Variants in BEAN1 observed in about 807,000 individuals in gnomAD.
BEAN1 encodes the protein brain expressed associated with NEDD4 1, also known as protein BEAN1.
Under a neutral mutation model 17.7 loss-of-function variants are expected in BEAN1, and 17 were observed. That is an observed-to-expected ratio of 0.96 (90% CI 0.66 to 1.44). BEAN1 has a LOEUF of 1.44. Ranked by LOEUF, BEAN1 falls within the 40% of genes most tolerant of loss-of-function variation. The probability of loss-of-function intolerance (pLI) is 0.00; values close to 1 mark genes in which losing one functional copy is unlikely to be tolerated. For synonymous variants in BEAN1, 142 were observed against 151.8 expected (o/e 0.94, Z 0.47); for missense variants, 359 against 374.1 (o/e 0.96, Z 0.33).
chr16:66,469,927 G>A (rs1963412482), intron 3 of BEAN1, 62 bp downstream of exon 3: 1 of 1,501,908 alleles, frequency 6.7e-7, no homozygotes, highest in Non-Finnish European at 8.9e-7. Context: ...AACACAGGAG[G>A]CATCAAGGAG....
At chr16:66,465,643 T>A (rs968434013) in intron 2 of BEAN1, among the ~76,000 whole-genome samples, 1 of 152,208 alleles carries the variant, frequency 6.6e-6, no homozygotes, top group African/African-American at 2.4e-5. Context: ...AAATCCTATA[T>A]GCATTAAAGT....
At chr16:66,464,742 T>C (rs1963204780) in intron 2 of BEAN1, among the ~76,000 whole-genome samples, 1 of 152,256 alleles carries the variant, frequency 6.6e-6, no homozygotes, top group Non-Finnish European at 1.5e-5. Context: ...TTGATTTTTA[T>C]CTATCAGTCT....
intron 2 of BEAN1, among the ~76,000 whole-genome samples, chr16:66,464,765 C>T (rs1207791569): frequency 6.6e-6 from 1 of 152,140 alleles, no homozygotes; most frequent in Non-Finnish European, 1.5e-5. Flanking sequence ...TATCTTGCAA[C>T]CTTGCTGAAT....
At chr16:66,436,466 G>A (rs1022986233) in intron 1 of BEAN1, among the ~76,000 whole-genome samples, 56 of 148,914 alleles carry the variant, frequency 3.8e-4, no homozygotes, top group African/African-American at 1.3e-3. Flanking sequence ...TTTTAGTAGA[G>A]ACGGGGTTTC....
At chr16:66,466,316 C>G (rs952698325) in intron 2 of BEAN1, among the ~76,000 whole-genome samples, 3 of 152,122 alleles carry the variant, frequency 2.0e-5, no homozygotes, top group Non-Finnish European at 2.9e-5. Flanking sequence ...CAACAAAAAA[C>G]ACACTTCTGG....
downstream of BEAN1, among the ~76,000 whole-genome samples, chr16:66,495,113 AG>A (rs953300921): frequency 6.6e-6 from 1 of 152,112 alleles, no homozygotes; most frequent in East Asian, 1.9e-4. Context: ...CTTAAGACCA[AG>A]GGGGGGCCTC....
At chr16:66,446,254 T>G (rs1962451889) in intron 2 of BEAN1, among the ~76,000 whole-genome samples, 1 of 151,672 alleles carries the variant, frequency 6.6e-6, no homozygotes, top group South Asian at 2.1e-4. Context: ...GACCAGGAGG[T>G]TCATAGTGGA....
rs1964026081 is a variant in BEAN1, at chr16:66,482,794, A to G, written c.*1869A>G. 1 of 444,248 alleles carries G rather than the reference A, an allele frequency of 2.3e-6. No homozygotes were observed. Among genetic ancestry groups the G allele is most frequent in the South Asian group, 1.6e-5 (1 of 61,526 alleles). 27.5% of individuals were successfully genotyped at this position (444,248 alleles called of 1,614,324 possible). ...TATCTTTTCTGTGTTCAAAATAAATACATAATATCAATAAAATGTAGCAAG... is the reference window on the plus strand; with the variant it reads ...TATCTTTTCTGTGTTCAAAATAAATGCATAATATCAATAAAATGTAGCAAG... On this transcript the variant is annotated 3_prime_UTR_variant, in exon 5 of 5. Coordinates refer to ENST00000536005, the MANE Select transcript of BEAN1 (RefSeq NM_001178020.3).
At chr16:66,449,206 G>C (rs1442322167) in intron 2 of BEAN1, among the ~76,000 whole-genome samples, 1 of 151,994 alleles carries the variant, frequency 6.6e-6, no homozygotes, top group Non-Finnish European at 1.5e-5. Context: ...TCAGTATTAT[G>C]TTGTGAGATT....
intron 3 of BEAN1, among the ~76,000 whole-genome samples, chr16:66,476,937 T>C (rs1963772123): frequency 6.6e-6 from 1 of 151,998 alleles, no homozygotes; most frequent in East Asian, 1.9e-4. Flanking sequence ...AGAAGCCCCT[T>C]TTTTTCCCCA....
chr16:66,455,133 G>A (rs1315144831), intron 2 of BEAN1, among the ~76,000 whole-genome samples: 2 of 152,116 alleles, frequency 1.3e-5, no homozygotes, highest in Admixed American at 6.6e-5. Flanking sequence ...ACTCTGAGTG[G>A]TCATTACTCT....
chr16:66,436,747 T>G (rs1962039881), intron 1 of BEAN1, among the ~76,000 whole-genome samples: 2 of 152,068 alleles, frequency 1.3e-5, no homozygotes, highest in African/African-American at 4.8e-5. Context: ...AGCCATGAGT[T>G]ACCTTTTTAA....
In BEAN1 at chr16:66,481,432, G is replaced by C. The variant is rs539157764; in HGVS notation, c.*507G>C. On this transcript the variant is annotated 3_prime_UTR_variant, in exon 5 of 5. Coordinates refer to ENST00000536005, the MANE Select transcript of BEAN1 (RefSeq NM_001178020.3). The surrounding 1 kb of genome is among the most constrained non-coding windows in gnomAD (Gnocchi z 4.1). ...GGCCAGCTTGTCCTCCTGGGAGGCG[G>C]GACAGGCCCCAGTGAGGTTCCGTTG... 1.2e-3 allele frequency: 455 copies of C among 395,484 alleles called. No homozygotes were observed. Among genetic ancestry groups the C allele is most frequent in the Middle Eastern group, 1.9e-3 (3 of 1,578 alleles). 24.5% of individuals were successfully genotyped at this position (395,484 alleles called of 1,614,324 possible).
chr16:66,462,678 A>G (rs1166487546), intron 2 of BEAN1, among the ~76,000 whole-genome samples: 1 of 152,112 alleles, frequency 6.6e-6, no homozygotes, highest in East Asian at 1.9e-4. Context: ...GTACATGCCT[A>G]TAATCCCAGC....
At chr16:66,461,058 G>A (rs1963063917) in intron 2 of BEAN1, among the ~76,000 whole-genome samples, 1 of 152,038 alleles carries the variant, frequency 6.6e-6, no homozygotes, top group Non-Finnish European at 1.5e-5. Flanking sequence ...TCAGAGAAGA[G>A]CCTATTTTTT....
In BEAN1 at chr16:66,481,043, C is replaced by A; in HGVS notation, c.*118C>A. The A allele has an allele frequency of 1.3e-6, 1 of 798,792 alleles. No homozygotes were observed. The highest frequency in any genetic ancestry group is 1.8e-6 in the Non-Finnish European group (1 of 551,518). The allele number at this position is 798,792 out of a possible 1,614,324, so 49.5% of individuals were successfully genotyped here. A position where few individuals can be genotyped will look rare whatever the true frequency, so the allele number is the denominator to read the frequency against. ...CGTGACTCATAACACACACATAGACCAAACTTGTATACACACAGACATCTA... is the reference window on the plus strand; with the variant it reads ...CGTGACTCATAACACACACATAGACAAAACTTGTATACACACAGACATCTA... On this transcript the variant is annotated 3_prime_UTR_variant, in exon 5 of 5. Transcript: ENST00000536005. The surrounding 1 kb of genome is among the most constrained non-coding windows in gnomAD (Gnocchi z 4.1).
At chr16:66,432,593 G>C (rs1408609661) in intron 1 of BEAN1, among the ~76,000 whole-genome samples, 1 of 152,240 alleles carries the variant, frequency 6.6e-6, no homozygotes, top group Non-Finnish European at 1.5e-5. Flanking sequence ...CTATGTGCCA[G>C]GCACCATGCT....
At chr16:66,439,973 C>G (rs1962186081) in intron 2 of BEAN1, among the ~76,000 whole-genome samples, 1 of 152,148 alleles carries the variant, frequency 6.6e-6, no homozygotes, top group Admixed American at 6.5e-5. Context: ...CAAGAAGCAC[C>G]TGGTGTCCCC....
chr16:66,474,614 G>GAGGGAGGGAGGA (rs1567505240), intron 3 of BEAN1, among the ~76,000 whole-genome samples: 3 of 14,284 alleles, frequency 2.1e-4, no homozygotes, highest in Non-Finnish European at 4.1e-4. Flanking sequence ...GAGAGGGAGG[G>GAGGGAGGGAGGA]AGGAAGGGAG....
Sources: allele counts gnomAD v4.1 joint callset (sites outside exome capture counted in the v4.1 genomes callset), GRCh38; gene constraint gnomAD v4.1.1; non-coding constraint Gnocchi (gnomAD v3.1); transcripts MANE v1.5; gene names NCBI Gene and HGNC (gene_info 2026-07-23, HGNC 2026-07-21).